NPAT: variants seen among roughly 807,000 people sequenced by gnomAD.
The protein encoded by NPAT is protein NPAT.
NPAT carries 52 observed loss-of-function variants against 130.7 expected under a neutral mutation model. That is an observed-to-expected ratio of 0.40 (90% CI 0.32 to 0.50). NPAT has a LOEUF of 0.50. NPAT is among the 20% of genes least tolerant of loss of function. The probability of loss-of-function intolerance (pLI) is 0.68; values close to 1 mark genes in which losing one functional copy is unlikely to be tolerated. For missense variants in NPAT, 1,687 were observed against 1,662.6 expected, an observed-to-expected ratio of 1.01 and a Z score of -0.26; for synonymous variants, 580 against 584.8, an observed-to-expected ratio of 0.99 and a Z score of 0.12.
chr11:108,176,068 A>G (rs2078002487), intron 12 of NPAT, among the ~76,000 whole-genome samples, 178 bp downstream of exon 12: 1 of 152,216 alleles, frequency 6.6e-6, no homozygotes, highest in Non-Finnish European at 1.5e-5. Context: ...GAATACTGTA[A>G]ATTTTCTTTT....
intron 1 of NPAT, among the ~76,000 whole-genome samples, chr11:108,201,558 G>A (rs1271649470): frequency 6.6e-6 from 1 of 152,180 alleles, no homozygotes; most frequent in African/African-American, 2.4e-5. Context: ...GAAACCTGTA[G>A]GTTACCTAAG....
intron 1 of NPAT, among the ~76,000 whole-genome samples, chr11:108,220,209 A>C (rs766424346): frequency 3.9e-5 from 6 of 152,194 alleles, no homozygotes; most frequent in Non-Finnish European, 7.3e-5. Context: ...AAATCCCAGC[A>C]AGGCAATAAG....
chr11:108,161,513 T>C lies in NPAT; in HGVS notation c.3573A>G (p.Gln1191=). The change falls in exon 17 of 18, where the codon CAA becomes CAG. Residue 1191 remains glutamine, a synonymous_variant. Coordinates refer to ENST00000278612, the MANE Select transcript of NPAT (RefSeq NM_002519.3). ...PENSKLSIGQ[Q]NGGLRSEKSI... Reference sequence around the variant, plus strand: ...ATTTCTCACTTCGCAAACCCCCATTTTGCTGCCCAATAGATAGTTTTGAAT... The same window carrying C: ...ATTTCTCACTTCGCAAACCCCCATTCTGCTGCCCAATAGATAGTTTTGAAT... The C allele has an allele frequency of 6.2e-7, 1 of 1,614,246 alleles. No homozygotes were observed. The highest frequency in any genetic ancestry group is 1.3e-5 in the African/African-American group (1 of 75,068).
intron 1 of NPAT, among the ~76,000 whole-genome samples, chr11:108,216,032 T>C (rs570492913): frequency 2.6e-5 from 4 of 152,352 alleles, no homozygotes; most frequent in Non-Finnish European, 5.9e-5. Context: ...CCGACCGTTA[T>C]AATATTTGGA....
chr11:108,222,375 C>A, intron 1 of NPAT, 125 bp downstream of exon 1: 1 of 981,794 alleles, frequency 1.0e-6, no homozygotes, highest in Non-Finnish European at 1.6e-6. Context: ...CACCGCCAGT[C>A]TCAACTCGTA....
chr11:108,185,340 A>C (rs758643303), intron 9 of NPAT, 21 bp from the exon 10 acceptor site: 2 of 1,581,558 alleles, frequency 1.3e-6, no homozygotes, highest in Non-Finnish European at 1.7e-6. Context: ...AGAAAGAAAA[A>C]TCTTTATTAT....
At chr11:108,209,066 G>T (rs2078358030) in intron 1 of NPAT, among the ~76,000 whole-genome samples, 1 of 151,764 alleles carries the variant, frequency 6.6e-6, no homozygotes, top group Non-Finnish European at 1.5e-5. Context: ...GATCACCTGA[G>T]GTCAAGAGTT....
At chr11:108,176,751 C>A (rs2078009824) in intron 11 of NPAT, among the ~76,000 whole-genome samples, 2 of 152,162 alleles carry the variant, frequency 1.3e-5, no homozygotes, top group Non-Finnish European at 2.9e-5. Flanking sequence ...TCAACACATT[C>A]CCTGATGACT....
At chr11:108,196,271 TGG>T (rs1312439250) in intron 2 of NPAT, among the ~76,000 whole-genome samples, 3 of 152,236 alleles carry the variant, frequency 2.0e-5, no homozygotes, top group African/African-American at 7.2e-5. Context: ...ATCAGATGTG[TGG>T]GTCTCTACAT....
Position 108,157,537 on chromosome 11 carries a change from G to C in NPAT, c.*1405C>G, listed in dbSNP as rs1285575211. On this transcript the variant is annotated 3_prime_UTR_variant, in exon 18 of 18. Transcript: ENST00000278612. Reference sequence around the variant, plus strand: ...ATTTCTTACATCACAAGTTTTTGCAGTAAGGTTCAGCAATTAAGAAGACAT... The same window carrying C: ...ATTTCTTACATCACAAGTTTTTGCACTAAGGTTCAGCAATTAAGAAGACAT... 6.6e-6 allele frequency: 1 copy of C among 152,038 alleles called. No individual in the cohort carries two copies. The highest frequency in any genetic ancestry group is 1.5e-5 in the Non-Finnish European group (1 of 67,930). The allele number at this position is 152,038 out of a possible 1,614,324, so 9.4% of individuals were successfully genotyped here.
In NPAT at chr11:108,161,166, G is replaced by C; in HGVS notation, c.3920C>G (p.Pro1307Arg). Reference protein sequence around the residue: ...EDSSTSKVMVPPVTPDLPACS... With the variant: ...EDSSTSKVMVRPVTPDLPACS... ...GGCAGGCAAGTCTGGGGTGACAGGA[G>C]GGACCATTACTTTTGATGTACTACT... The change falls in exon 17 of 18, where the codon CCT (proline) becomes CGT (arginine). Residue 1307 changes from proline (P) to arginine (R), a missense_variant. By Grantham distance (103) the Pro-to-Arg change is moderately radical. Coordinates refer to ENST00000278612, the MANE Select transcript of NPAT (RefSeq NM_002519.3). 6.2e-7 allele frequency: 1 copy of C among 1,614,136 alleles called. No individual in the cohort carries two copies. The highest frequency in any genetic ancestry group is 8.5e-7 in the Non-Finnish European group (1 of 1,180,030).
chr11:108,167,060 G>A (rs1353853611), intron 15 of NPAT, among the ~76,000 whole-genome samples: 2 of 151,944 alleles, frequency 1.3e-5, no homozygotes, highest in African/African-American at 4.8e-5. Context: ...GTTTATTGTT[G>A]GCACCTAAAA....
At position 108,209,888 on chromosome 11, in the gene NPAT, CAAA is replaced by C. The variant is rs58890849; in HGVS notation, c.38-12471_38-12469del. ...TGGGGAACAGAGTGAGACTTCATCT[CAAA>C]AAAAAAAAAAAAAAAAAAAAAATTC... On this transcript the variant is annotated intron_variant, in intron 1 of 17. Transcript: ENST00000278612. 1.6e-3 allele frequency among the ~76,000 whole-genome samples: 110 copies of C among 70,790 alleles called. 1 individual carries two copies. The highest frequency in any genetic ancestry group is 2.3e-3 in the Non-Finnish European group (91 of 39,780). The allele number at this position is 70,790 out of a possible 152,430, so 46.4% of individuals were successfully genotyped here.
chr11:108,203,252 A>G (rs1239485926), intron 1 of NPAT, among the ~76,000 whole-genome samples: 1 of 152,174 alleles, frequency 6.6e-6, no homozygotes, highest in Non-Finnish European at 1.5e-5. Flanking sequence ...TTACATGTAT[A>G]ACATCTTTGG....
At chr11:108,192,922 C>G (rs999056797) in intron 3 of NPAT, among the ~76,000 whole-genome samples, 5 of 151,988 alleles carry the variant, frequency 3.3e-5, no homozygotes, top group Non-Finnish European at 7.4e-5. Context: ...CCATTGCACT[C>G]CAGCCTGGGC....
chr11:108,217,530 C>G (rs2078445173), intron 1 of NPAT, among the ~76,000 whole-genome samples: 1 of 152,040 alleles, frequency 6.6e-6, no homozygotes, highest in Non-Finnish European at 1.5e-5. Flanking sequence ...ACCTATTGAA[C>G]CTATTAAATT....
chr11:108,211,212 C>CT (rs1255621739), intron 1 of NPAT, among the ~76,000 whole-genome samples: 2 of 149,984 alleles, frequency 1.3e-5, no homozygotes, highest in East Asian at 3.9e-4. Context: ...GAGACACCGT[C>CT]TAAAAAAAAA....
chr11:108,176,604 A>G (rs552170424), intron 11 of NPAT, among the ~76,000 whole-genome samples: 2 of 152,346 alleles, frequency 1.3e-5, no homozygotes, highest in South Asian at 4.1e-4. Context: ...TTCTCAGATA[A>G]TGCTGAGATT....
At chr11:108,218,672 G>A (rs770588206) in intron 1 of NPAT, among the ~76,000 whole-genome samples, 7 of 152,224 alleles carry the variant, frequency 4.6e-5, no homozygotes, top group Non-Finnish European at 8.8e-5. Flanking sequence ...AGGGGCTGGA[G>A]AAACCACTAC....
Sources: gnomAD v4.1 joint callset for allele counts (sites outside exome capture counted in the v4.1 genomes callset) on GRCh38, gnomAD v4.1.1 for gene constraint, MANE v1.5 for transcripts, NCBI Gene and HGNC (gene_info 2026-07-23, HGNC 2026-07-21) for gene names.